The following NUDT18 variants were observed in gnomAD, a reference collection of about 807,000 sequenced individuals.
The protein encoded by NUDT18 is 8-oxo-dGDP phosphatase NUDT18.
NUDT18 carries 26 observed loss-of-function variants against 27.6 expected under a neutral mutation model. The ratio of observed to expected loss-of-function variants is 0.94; its 90% CI spans 0.69 to 1.31. The LOEUF (loss-of-function observed/expected upper bound fraction) is 1.31. Ranked by LOEUF, NUDT18 falls within the 50% of genes most tolerant of loss-of-function variation. The pLI, the probability that NUDT18 is intolerant of heterozygous loss-of-function variation, is 0.00. For missense variants in NUDT18, 450 were observed against 433.4 expected (o/e 1.04, Z -0.34); for synonymous variants, 220 against 196.9 (o/e 1.12, Z -0.98).
intron 1 of NUDT18, 106 bp from the exon 2 acceptor site, chr8:22,108,452 C>A (rs1241814830): frequency 1.0e-6 from 1 of 957,930 alleles, no homozygotes; most frequent in South Asian, 1.5e-5. Flanking sequence ...GGTGGACACT[C>A]TCAACCCAGC....
chr8:22,109,852 C>T (rs976403168), upstream of NUDT18: 9 of 418,860 alleles, frequency 2.1e-5, no homozygotes, highest in Middle Eastern at 3.4e-4. Context: ...TTGATCATAT[C>T]CCAAATACCT....
chr8:22,107,394 T>C lies in NUDT18; in HGVS notation c.878A>G (p.Glu293Gly), dbSNP rs761153767. ...IQDEPPKVRG[E>G]NFSWWKVMEE... ...CATCACCTTCCACCAAGAGAAGTTCTCACCCCGAACTTTTGGGGGTTCATC... is the reference window on the plus strand; with the variant it reads ...CATCACCTTCCACCAAGAGAAGTTCCCACCCCGAACTTTTGGGGGTTCATC... Residue 293 changes from glutamate to glycine, a missense_variant, in exon 3 of 3, where the codon GAG becomes GGG. Coordinates refer to ENST00000611621, the MANE Select transcript of NUDT18 (RefSeq NM_024815.4). 2.4e-5 allele frequency: 39 copies of C among 1,613,444 alleles called. No individual in the cohort carries two copies. The highest frequency in any genetic ancestry group is 3.3e-5 in the Admixed American group (2 of 59,994).
chr8:22,109,099 G>C, intron 1 of NUDT18, 40 bp downstream of exon 1: 39 of 1,369,576 alleles, frequency 2.8e-5, no homozygotes, highest in Non-Finnish European at 3.6e-5. Flanking sequence ...GGCTGGCTGC[G>C]CGCTCCCGAG....
Position 22,109,321 on chromosome 8 carries a change from G to A in NUDT18, c.-21C>T, listed in dbSNP as rs1048844929. The A allele has an allele frequency of 7.5e-6, 10 of 1,340,958 alleles. No homozygotes were observed. The highest frequency in any genetic ancestry group is 1.9e-5 in the South Asian group (1 of 51,852). 83.1% of individuals were successfully genotyped at this position (1,340,958 alleles called of 1,614,324 possible). A position where few individuals can be genotyped will look rare whatever the true frequency, so the allele number is the denominator to read the frequency against. Reference sequence around the variant, plus strand: ...GCCATCGGGTCCCCCGGGGGGCGGCGGGCCGGATCCTCGCAGACCGACTGA... The same window carrying A: ...GCCATCGGGTCCCCCGGGGGGCGGCAGGCCGGATCCTCGCAGACCGACTGA... On this transcript the variant is annotated 5_prime_UTR_variant, in exon 1 of 3. Transcript: ENST00000611621.
At chr8:22,109,558 TG>T (rs532654277), upstream of NUDT18, 4 of 491,496 alleles carry the variant, frequency 8.1e-6, no homozygotes, top group East Asian at 1.0e-4. Flanking sequence ...GCCCTGGAAC[TG>T]GGGGGGCACG....
At position 22,107,222 on chromosome 8, in the gene NUDT18, C is replaced by G; in HGVS notation, c.*78G>C. The G allele has an allele frequency of 3.5e-6, 4 of 1,149,762 alleles. No homozygotes were observed. The South Asian group carries it at 4.8e-5, about 14-fold the overall frequency. 71.2% of individuals were successfully genotyped at this position (1,149,762 alleles called of 1,614,324 possible). ...CAACAAGATCCCTGATCGCCAGCCT[C>G]TTGCCTCCCTCAGAGGGAGACAAGT... On this transcript the variant is annotated 3_prime_UTR_variant, in exon 3 of 3. Coordinates refer to ENST00000611621, the MANE Select transcript of NUDT18 (RefSeq NM_024815.4).
Position 22,107,219 on chromosome 8 carries a change from C to G in NUDT18, c.*81G>C, listed in dbSNP as rs541363584. 2.8e-6 allele frequency: 3 copies of G among 1,089,384 alleles called. No individual in the cohort carries two copies. Among genetic ancestry groups the G allele is most frequent in the Middle Eastern group, 2.6e-4 (1 of 3,880 alleles). 67.5% of individuals were successfully genotyped at this position (1,089,384 alleles called of 1,614,324 possible). A position where few individuals can be genotyped will look rare whatever the true frequency, so the allele number is the denominator to read the frequency against. ...ATGCAACAAGATCCCTGATCGCCAGCCTCTTGCCTCCCTCAGAGGGAGACA... is the reference window on the plus strand; with the variant it reads ...ATGCAACAAGATCCCTGATCGCCAGGCTCTTGCCTCCCTCAGAGGGAGACA... On this transcript the variant is annotated 3_prime_UTR_variant, in exon 3 of 3. Coordinates refer to ENST00000611621, the MANE Select transcript of NUDT18 (RefSeq NM_024815.4).
rs998576475 is a variant in NUDT18, at chr8:22,109,371, T to G, written c.-71A>C. 1.1e-5 allele frequency: 14 copies of G among 1,313,828 alleles called. No individual in the cohort carries two copies. The African/African-American group carries it at 2.0e-4, about 19-fold the overall frequency. The allele number at this position is 1,313,828 out of a possible 1,614,324, so 81.4% of individuals were successfully genotyped here. A position where few individuals can be genotyped will look rare whatever the true frequency, so the allele number is the denominator to read the frequency against. On this transcript the variant is annotated 5_prime_UTR_variant, in exon 1 of 3. Transcript: ENST00000611621. ...AGCCGAGCCGCGGGCTAGAGTGCGC[T>G]GCGGAGCCCGCTCCCAGTCCCTGCG... is the stretch of plus-strand genomic sequence containing the variant.
chr8:22,108,427 C>A, intron 1 of NUDT18, 81 bp from the exon 2 acceptor site: 1 of 1,257,702 alleles, frequency 8.0e-7, no homozygotes, highest in Non-Finnish European at 1.1e-6. Flanking sequence ...CACAGTCGCC[C>A]AAGACTCCCC....
chr8:22,108,404 G>A, intron 1 of NUDT18, 58 bp from the exon 2 acceptor site: 1 of 1,466,650 alleles, frequency 6.8e-7, no homozygotes. Context: ...CCGGGACCAG[G>A]GGGCATCTCA....
At chr8:22,107,941 G>C in intron 2 of NUDT18, 46 bp from the exon 3 acceptor site, 1 of 1,474,438 alleles carries the variant, frequency 6.8e-7, no homozygotes. Context: ...TGTGTGGAGA[G>C]AAGTGCAGCT....
chr8:22,107,656 C>CT lies in NUDT18; in HGVS notation c.615dup (p.Val206SerfsTer61), dbSNP rs1563609692. On this transcript the variant is annotated frameshift_variant, in exon 3 of 3. Coordinates refer to ENST00000611621, the MANE Select transcript of NUDT18 (RefSeq NM_024815.4). LOFTEE classifies it high-confidence loss of function. Reference sequence around the variant, plus strand: ...AAGTGAGGCATCCCCACTGTGCCCACTAACACCCACACTGTCTGGGCGCTG... The same window carrying CT: ...AAGTGAGGCATCCCCACTGTGCCCACTTAACACCCACACTGTCTGGGCGCTG... The CT allele has an allele frequency of 1.9e-6, 3 of 1,612,906 alleles. No individual in the cohort carries two copies. Among genetic ancestry groups the CT allele is most frequent in the Non-Finnish European group, 2.5e-6 (3 of 1,179,506 alleles).
In NUDT18 at chr8:22,108,257, G is replaced by A; in HGVS notation, c.252C>T (p.Ile84=). 1 of 1,597,134 alleles carries A rather than the reference G, an allele frequency of 6.3e-7. No homozygotes were observed. Among genetic ancestry groups the A allele is most frequent in the Non-Finnish European group, 8.5e-7 (1 of 1,172,542 alleles). ...TCACCTCCCGCTGCAGCGCCTCCAC[G>A]ATGGTCTCCCCTGGCTCCATTCTCC... ...PAGRMEPGET[I]VEALQREVKE... The change falls in exon 2 of 3, where the codon ATC becomes ATT. Residue 84 remains isoleucine, a synonymous_variant. Transcript: ENST00000611621.
Position 22,107,280 on chromosome 8 carries a change from C to T in NUDT18, c.*20G>A. 6.5e-7 allele frequency: 1 copy of T among 1,549,500 alleles called. No individual in the cohort carries two copies. The highest frequency in any genetic ancestry group is 8.7e-7 in the Non-Finnish European group (1 of 1,143,858). On this transcript the variant is annotated 3_prime_UTR_variant, in exon 3 of 3. Transcript: ENST00000611621. Reference sequence around the variant, plus strand: ...GGAGGGAGCACGGCTGCCTAGCTCCCTGTCACCTCCCCCACCTCTCTATCT... The same window carrying T: ...GGAGGGAGCACGGCTGCCTAGCTCCTTGTCACCTCCCCCACCTCTCTATCT...
chr8:22,107,264 A>G lies in NUDT18; in HGVS notation c.*36T>C. On this transcript the variant is annotated 3_prime_UTR_variant, in exon 3 of 3. Coordinates refer to ENST00000611621, the MANE Select transcript of NUDT18 (RefSeq NM_024815.4). ...GAGACAAGTCCGCACTGGAGGGAGC[A>G]CGGCTGCCTAGCTCCCTGTCACCTC... 2 of 1,472,588 alleles carry G rather than the reference A, an allele frequency of 1.4e-6. No individual in the cohort carries two copies. The highest frequency in any genetic ancestry group is 1.8e-6 in the Non-Finnish European group (2 of 1,088,598). The allele number at this position is 1,472,588 out of a possible 1,614,324, so 91.2% of individuals were successfully genotyped here.
chr8:22,109,518 T>C, upstream of NUDT18: 1 of 458,046 alleles, frequency 2.2e-6, no homozygotes, highest in East Asian at 4.3e-5. Context: ...GCCCGCGGCA[T>C]TCACCGAGGG....
In NUDT18 at chr8:22,106,961, G is replaced by A; in HGVS notation, c.*339C>T. ...CCCTCCATGCTCGAAGGGCCTGGAA[G>A]GATCAGAATGCAGGCCTTTCCCAAG... is the stretch of plus-strand genomic sequence containing the variant. On this transcript the variant is annotated 3_prime_UTR_variant, in exon 3 of 3. Coordinates refer to ENST00000611621, the MANE Select transcript of NUDT18 (RefSeq NM_024815.4). 3.9e-6 allele frequency: 1 copy of A among 254,948 alleles called. No homozygotes were observed. Among genetic ancestry groups the A allele is most frequent in the Non-Finnish European group, 7.6e-6 (1 of 131,966 alleles). 15.8% of individuals were successfully genotyped at this position (254,948 alleles called of 1,614,324 possible). A position where few individuals can be genotyped will look rare whatever the true frequency, so the allele number is the denominator to read the frequency against.
rs1826429956 is a variant in NUDT18, at chr8:22,109,395, C to T, written c.-95G>A. The T allele has an allele frequency of 1.7e-6, 2 of 1,200,578 alleles. No individual in the cohort carries two copies. The highest frequency in any genetic ancestry group is 1.1e-6 in the Non-Finnish European group (1 of 929,812). 74.4% of individuals were successfully genotyped at this position (1,200,578 alleles called of 1,614,324 possible). On this transcript the variant is annotated 5_prime_UTR_variant, in exon 1 of 3. Transcript: ENST00000611621. ...CTGCGGAGCCCGCTCCCAGTCCCTG[C>T]GGCAGCGGGCCGGGAGCTCACGAGA... is the stretch of plus-strand genomic sequence containing the variant.
chr8:22,109,439 A>ACGCGGAAGCGCACGCGAG, upstream of NUDT18: 1 of 612,678 alleles, frequency 1.6e-6, no homozygotes, highest in Non-Finnish European at 2.5e-6. Context: ...GCGCACGCGA[A>ACGCGGAAGCGCACGCGAG]CGCGGAAGCG....
Sources: gnomAD v4.1 joint callset for allele counts on GRCh38, gnomAD v4.1.1 for gene constraint, MANE v1.5 for transcripts, NCBI Gene and HGNC (gene_info 2026-07-23, HGNC 2026-07-21) for gene names.